Variants in ENTPD7 observed in about 807,000 individuals in gnomAD.
ENTPD7 encodes the protein NTPDase 7.
ENTPD7 carries 53 observed loss-of-function variants against 77.9 expected under a neutral mutation model. The ratio of observed to expected loss-of-function variants is 0.68; its 90% CI spans 0.55 to 0.85. The LOEUF is 0.85. ENTPD7 is among the 40% of genes least tolerant of loss of function. ENTPD7 has a pLI of 0.00. For missense variants in ENTPD7, 636 were observed against 743.7 expected (o/e 0.86, Z 1.68); for synonymous variants, 248 against 274.9 (o/e 0.90, Z 0.97).
In ENTPD7 at chr10:99,705,102, C is replaced by T. The variant is rs1398939672; in HGVS notation, c.*419C>T. ...AGAGACATTCTAGCAAGTGCAGCAG[C>T]CCCTTCTTTCTCTGTAACAGAGATA... On this transcript the variant is annotated 3_prime_UTR_variant, in exon 13 of 13. Transcript: ENST00000370489. The T allele has an allele frequency of 5.3e-6, 1 of 190,100 alleles. No homozygotes were observed. The highest frequency in any genetic ancestry group is 1.1e-5 in the Non-Finnish European group (1 of 89,114). 11.8% of individuals were successfully genotyped at this position (190,100 alleles called of 1,614,324 possible). A position where few individuals can be genotyped will look rare whatever the true frequency, so the allele number is the denominator to read the frequency against.
chr10:99,659,980 T>C lies in ENTPD7; in HGVS notation c.8+16T>C. 1 of 1,613,634 alleles carries C rather than the reference T, an allele frequency of 6.2e-7. No homozygotes were observed. Among genetic ancestry groups the C allele is most frequent in the Middle Eastern group, 1.6e-4 (1 of 6,062 alleles). ...CCATGGCTAGGTAAGGCTGCACACT[T>C]TCCCTCCGGCTGGGAGCACGGCAGA... On this transcript the variant is annotated intron_variant, in intron 2 of 12. Transcript: ENST00000370489. The surrounding 1 kb of genome is among the most constrained non-coding windows in gnomAD (Gnocchi z 4.1).
intron 5 of ENTPD7, among the ~76,000 whole-genome samples, chr10:99,683,464 T>G (rs761629473): frequency 6.6e-6 from 1 of 152,216 alleles, no homozygotes; most frequent in Non-Finnish European, 1.5e-5. Flanking sequence ...AGGTGGTGTT[T>G]AATAAAATAA....
chr10:99,705,808 A>G lies in ENTPD7; in HGVS notation c.*1125A>G, dbSNP rs532915254. The G allele has an allele frequency of 2.0e-5, 3 of 152,386 alleles. No homozygotes were observed. The highest frequency in any genetic ancestry group is 2.1e-4 in the South Asian group (1 of 4,828). The allele number at this position is 152,386 out of a possible 1,614,324, so 9.4% of individuals were successfully genotyped here. ...CCATCTGGCAACTTTCAGAACCTCT[A>G]TTAAGAGACTGCTGAGTCACAAACA... On this transcript the variant is annotated 3_prime_UTR_variant, in exon 13 of 13. Transcript: ENST00000370489.
In ENTPD7 at chr10:99,705,878, T is replaced by C. The variant is rs2036240293; in HGVS notation, c.*1195T>C. ...GAGAGGAAAAGCCATAATAATTACA[T>C]CTTCACCCACTACCCTTCCAGAGCT... On this transcript the variant is annotated 3_prime_UTR_variant, in exon 13 of 13. Transcript: ENST00000370489. The C allele has an allele frequency of 6.6e-6, 1 of 152,336 alleles. No homozygotes were observed. Among genetic ancestry groups the C allele is most frequent in the African/African-American group, 2.4e-5 (1 of 41,588 alleles). The allele number at this position is 152,336 out of a possible 1,614,324, so 9.4% of individuals were successfully genotyped here.
At chr10:99,679,223 G>C (rs2035721096) in intron 3 of ENTPD7, 38 bp from the exon 4 acceptor site, 1 of 1,603,214 alleles carries the variant, frequency 6.2e-7, no homozygotes, top group Non-Finnish European at 8.5e-7. Context: ...TCATGGACCT[G>C]ACTGCTTAGC....
chr10:99,676,818 G>A (rs1225241568), intron 3 of ENTPD7, among the ~76,000 whole-genome samples: 3 of 152,054 alleles, frequency 2.0e-5, no homozygotes, highest in Non-Finnish European at 2.9e-5. Flanking sequence ...TTTACCATCT[G>A]CTTCATTTCC....
At chr10:99,702,247 T>C (rs2036150801) in intron 11 of ENTPD7, among the ~76,000 whole-genome samples, 1 of 152,024 alleles carries the variant, frequency 6.6e-6, no homozygotes, top group Non-Finnish European at 1.5e-5. Flanking sequence ...ATAATTACAT[T>C]TGTAGATATT....
intron 3 of ENTPD7, among the ~76,000 whole-genome samples, chr10:99,663,807 T>C (rs899726996): frequency 1.3e-5 from 2 of 152,058 alleles, no homozygotes; most frequent in Non-Finnish European, 1.5e-5. Context: ...GATCTATGGA[T>C]TTGTAGTTTT....
At position 99,707,626 on chromosome 10, in the gene ENTPD7, A is replaced by G. The variant is rs2036277580; in HGVS notation, c.*2943A>G. 6.6e-6 allele frequency among the ~76,000 whole-genome samples: 1 copy of G among 152,208 alleles called. No homozygotes were observed. Among genetic ancestry groups the G allele is most frequent in the South Asian group, 2.1e-4 (1 of 4,834 alleles). ...CCAACCACTCTTGTTAACAGAGACA[A>G]TGAACCTGAACTGTTTTAGGACTCT... On this transcript the variant is annotated 3_prime_UTR_variant, in exon 13 of 13. Transcript: ENST00000370489.
At chr10:99,695,317 G>A (rs1465363973) in intron 8 of ENTPD7, among the ~76,000 whole-genome samples, 5 of 152,104 alleles carry the variant, frequency 3.3e-5, no homozygotes, top group African/African-American at 4.8e-5. Context: ...GAGGTCAAGA[G>A]ATCGAGAACA....
intron 3 of ENTPD7, among the ~76,000 whole-genome samples, chr10:99,674,338 T>G (rs1008255260): frequency 6.6e-6 from 1 of 152,198 alleles, no homozygotes; most frequent in East Asian, 1.9e-4. Context: ...TTCAAACATA[T>G]ACAATTTACC....
chr10:99,700,791 T>C (rs2133514212), intron 10 of ENTPD7, 182 bp from the exon 11 acceptor site: 1 of 648,400 alleles, frequency 1.5e-6, no homozygotes, highest in Non-Finnish European at 2.8e-6. Context: ...GTGCTAGACA[T>C]GGGATGACGG....
intron 3 of ENTPD7, among the ~76,000 whole-genome samples, chr10:99,670,562 C>T (rs566208947): frequency 1.3e-3 from 203 of 152,328 alleles, no homozygotes; most frequent in African/African-American, 4.6e-3. Flanking sequence ...ATGGTACAGC[C>T]TACTACACAC....
chr10:99,661,400 C>T, intron 2 of ENTPD7, 46 bp from the exon 3 acceptor site: 1 of 1,503,456 alleles, frequency 6.7e-7, no homozygotes, highest in Non-Finnish European at 9.0e-7. Context: ...TTTAAGCACT[C>T]AGTTGTAGAA....
intron 8 of ENTPD7, among the ~76,000 whole-genome samples, chr10:99,693,600 A>G (rs1413184749): frequency 1.3e-5 from 2 of 152,200 alleles, no homozygotes; most frequent in African/African-American, 4.8e-5. Flanking sequence ...TACGGAATGC[A>G]TACTTGCAAG....
chr10:99,666,961 T>C (rs1222107490), intron 3 of ENTPD7, among the ~76,000 whole-genome samples: 1 of 152,126 alleles, frequency 6.6e-6, no homozygotes, highest in African/African-American at 2.4e-5. Flanking sequence ...AATAGAGAGA[T>C]GGTTGTGGTT....
chr10:99,687,785 T>C (rs1198736455), intron 6 of ENTPD7, among the ~76,000 whole-genome samples: 1 of 152,170 alleles, frequency 6.6e-6, no homozygotes, highest in Non-Finnish European at 1.5e-5. Flanking sequence ...CCTCTGCCAC[T>C]TTCTGGTTCC....
In ENTPD7 at chr10:99,705,852, C is replaced by T. The variant is rs1016891369; in HGVS notation, c.*1169C>T. 1 of 152,166 alleles carries T rather than the reference C, an allele frequency of 6.6e-6. No homozygotes were observed. The highest frequency in any genetic ancestry group is 6.5e-5 in the Admixed American group (1 of 15,286). The allele number at this position is 152,166 out of a possible 1,614,324, so 9.4% of individuals were successfully genotyped here. On this transcript the variant is annotated 3_prime_UTR_variant, in exon 13 of 13. Coordinates refer to ENST00000370489, the MANE Select transcript of ENTPD7 (RefSeq NM_020354.5). Reference sequence around the variant, plus strand: ...ACAAACAGCACTTCCATTAATGAAGCGAGAGGAAAAGCCATAATAATTACA... The same window carrying T: ...ACAAACAGCACTTCCATTAATGAAGTGAGAGGAAAAGCCATAATAATTACA...
Position 99,694,786 on chromosome 10 carries a change from C to CT in ENTPD7, c.844-1168dup, listed in dbSNP as rs1590052873. On this transcript the variant is annotated intron_variant, in intron 8 of 12. Transcript: ENST00000370489. The stretch of plus-strand genomic sequence containing the variant: ...TCCTGGCCTCAAGTGATCCACCCTC[C>CT]TTGGCCTCCCAAAGTGCTGGGATTA... 3.3e-5 allele frequency among the ~76,000 whole-genome samples: 5 copies of CT among 152,278 alleles called. No homozygotes were observed. The East Asian group carries it at 9.7e-4, about 29-fold the overall frequency.
Sources: gnomAD v4.1 joint callset for allele counts (sites outside exome capture counted in the v4.1 genomes callset) on GRCh38, gnomAD v4.1.1 for gene constraint, Gnocchi (gnomAD v3.1) non-coding constraint, MANE v1.5 for transcripts, NCBI Gene and HGNC (gene_info 2026-07-23, HGNC 2026-07-21) for gene names.